The following CACNA1C variants were observed in gnomAD, a reference collection of about 807,000 sequenced individuals.
CACNA1C encodes the protein voltage-dependent L-type calcium channel subunit alpha-1C.
In CACNA1C, 30 loss-of-function variants were observed where a neutral mutation model predicts 229.0. The observed-to-expected ratio is 0.13, with a 90% CI of 0.10 to 0.18. The LOEUF (loss-of-function observed/expected upper bound fraction) is 0.18, where lower values mean the gene tolerates loss of function less well. Ranked by LOEUF, CACNA1C falls within the 10% of genes least tolerant of loss-of-function variation. The pLI, the probability that CACNA1C is intolerant of heterozygous loss-of-function variation, is 1.00. For missense variants in CACNA1C, 1,658 were observed against 2,845.0 expected (o/e 0.58, Z 9.49); for synonymous variants, 1,114 against 1,132.5 (o/e 0.98, Z 0.33).
chr12:2,203,648 A>G (rs2097665917), intron 3 of CACNA1C, among the ~76,000 whole-genome samples: 4 of 152,094 alleles, frequency 2.6e-5, no homozygotes, highest in Admixed American at 2.0e-4. Context: ...GAATGTAGGG[A>G]AAGAGAGCAC....
intron 1 of CACNA1C, among the ~76,000 whole-genome samples, chr12:2,046,569 C>A (rs1196172779): frequency 6.6e-6 from 1 of 152,096 alleles, no homozygotes; most frequent in Non-Finnish European, 1.5e-5. Flanking sequence ...GAGCCAGTCC[C>A]CAGGATCAGG....
chr12:2,469,272 A>G (rs1249937210), intron 5 of CACNA1C, among the ~76,000 whole-genome samples: 1 of 152,202 alleles, frequency 6.6e-6, no homozygotes, highest in Non-Finnish European at 1.5e-5. Flanking sequence ...TGATGATAGA[A>G]AAGTTCTGTC....
At chr12:2,135,135 T>C (rs1484231119) in intron 3 of CACNA1C, among the ~76,000 whole-genome samples, 15 of 148,048 alleles carry the variant, frequency 1.0e-4, no homozygotes, top group South Asian at 2.1e-4. Flanking sequence ...ATGTAGTTCT[T>C]GAGCCTTGGT....
At chr12:2,274,257 C>T (rs1223207072) in intron 3 of CACNA1C, among the ~76,000 whole-genome samples, 1 of 152,194 alleles carries the variant, frequency 6.6e-6, no homozygotes, top group Non-Finnish European at 1.5e-5. Context: ...TGAGCACTCC[C>T]GAGTCGTTCT....
Position 2,152,185 on chromosome 12 carries a change from G to A in CACNA1C, c.477+31755G>A, listed in dbSNP as rs552625411. Reference sequence around the variant, plus strand: ...ATGTAGGGATTGTTCATACAAAAGAGGGCAAAGATGCCACTTGTGACAGAA... The same window carrying A: ...ATGTAGGGATTGTTCATACAAAAGAAGGCAAAGATGCCACTTGTGACAGAA... On this transcript the variant is annotated intron_variant, in intron 3 of 46. Coordinates refer to ENST00000399655, the MANE Select transcript of CACNA1C (RefSeq NM_000719.7). The surrounding 1 kb of genome is among the most constrained non-coding windows in gnomAD (Gnocchi z 4.2). Among the ~76,000 whole-genome samples, 1 of 152,334 alleles carries A rather than the reference G, an allele frequency of 6.6e-6. No homozygotes were observed. The highest frequency in any genetic ancestry group is 1.9e-4 in the East Asian group (1 of 5,186).
Position 2,680,493 on chromosome 12 carries a change from G to C in CACNA1C, c.5444+697G>C, listed in dbSNP as rs374558988. The stretch of plus-strand genomic sequence containing the variant: ...GCTGAGAGAGGACACACCCTGCATC[G>C]TGCCTGGCCACGCTTCACTGTGCTG... On this transcript the variant is annotated intron_variant, in intron 42 of 46. Transcript: ENST00000399655. 3.8e-6 allele frequency: 6 copies of C among 1,569,864 alleles called. No homozygotes were observed. In the South Asian group the frequency reaches 5.9e-5, roughly 15 times the overall value.
chr12:2,509,093 A>G (rs906680404), intron 8 of CACNA1C, among the ~76,000 whole-genome samples: 6 of 152,200 alleles, frequency 3.9e-5, no homozygotes, highest in African/African-American at 1.4e-4. Flanking sequence ...GATTTCTTAC[A>G]TAGGTAGTCA....
At chr12:2,402,978 T>G (rs2098696308) in intron 3 of CACNA1C, among the ~76,000 whole-genome samples, 1 of 152,340 alleles carries the variant, frequency 6.6e-6, no homozygotes, top group Admixed American at 6.5e-5. Flanking sequence ...CTTTTGTTTT[T>G]GGGTAGGGAT....
intron 3 of CACNA1C, among the ~76,000 whole-genome samples, chr12:2,207,767 G>C (rs2097792142): frequency 6.6e-6 from 1 of 152,134 alleles, no homozygotes; most frequent in African/African-American, 2.4e-5. Flanking sequence ...TGAGCTGAGA[G>C]TTGAGATCGT....
intron 13 of CACNA1C, among the ~76,000 whole-genome samples, chr12:2,577,692 A>G (rs964497773): frequency 3.3e-5 from 5 of 152,160 alleles, no homozygotes; most frequent in Non-Finnish European, 5.9e-5. Flanking sequence ...GGAAGTACCA[A>G]TGTGTCATAT....
intron 1 of CACNA1C, among the ~76,000 whole-genome samples, chr12:2,114,274 G>A (rs2082931783): frequency 6.6e-6 from 1 of 152,176 alleles, no homozygotes; most frequent in South Asian, 2.1e-4. Context: ...AGGCTAGTCT[G>A]GGCTTCCTCA....
chr12:2,124,835 G>T (rs1384138017), intron 3 of CACNA1C, among the ~76,000 whole-genome samples: 1 of 152,184 alleles, frequency 6.6e-6, no homozygotes, highest in Non-Finnish European at 1.5e-5. Flanking sequence ...AGGGAATGAT[G>T]CGTACGATTA....
intron 29 of CACNA1C, among the ~76,000 whole-genome samples, chr12:2,624,093 C>G (rs1168908509): frequency 6.6e-6 from 1 of 152,336 alleles, no homozygotes; most frequent in East Asian, 1.9e-4. Flanking sequence ...AAATTCAACC[C>G]TCCCAGGCTC....
chr12:2,680,250 A>G (rs2097068092), intron 42 of CACNA1C: 3 of 773,400 alleles, frequency 3.9e-6, no homozygotes, highest in Non-Finnish European at 4.0e-6. Context: ...GGGAGGCGCC[A>G]TCTGTAGCAC....
intron 9 of CACNA1C, among the ~76,000 whole-genome samples, chr12:2,533,223 G>A (rs2099845218): frequency 6.6e-6 from 1 of 152,182 alleles, no homozygotes; most frequent in South Asian, 2.1e-4. Flanking sequence ...CTCCTTCAAT[G>A]TGCTTGGCTT....
intron 9 of CACNA1C, among the ~76,000 whole-genome samples, chr12:2,537,900 G>C (rs1215500682): frequency 6.6e-6 from 1 of 151,950 alleles, no homozygotes; most frequent in Non-Finnish European, 1.5e-5. Flanking sequence ...TGGGGTGGGG[G>C]TGGGAGAGGG....
intron 2 of CACNA1C, among the ~76,000 whole-genome samples, chr12:2,116,046 G>A (rs2083708507): frequency 6.6e-6 from 1 of 152,196 alleles, no homozygotes; most frequent in South Asian, 2.1e-4. Context: ...CAGGGCCCCT[G>A]GCTGTTGGCT....
intron 9 of CACNA1C, among the ~76,000 whole-genome samples, chr12:2,525,672 T>C (rs770566649): frequency 6.6e-5 from 10 of 152,206 alleles, no homozygotes; most frequent in Non-Finnish European, 1.5e-4. Context: ...CATGATTAAA[T>C]GCCTCCTGGG....
intron 34 of CACNA1C, among the ~76,000 whole-genome samples, chr12:2,663,547 A>G (rs2095873785): frequency 6.6e-6 from 1 of 152,176 alleles, no homozygotes; most frequent in African/African-American, 2.4e-5. Flanking sequence ...ACCATTTGCA[A>G]AATGATGTAA....
Sources: allele counts gnomAD v4.1 joint callset (sites outside exome capture counted in the v4.1 genomes callset), GRCh38; gene constraint gnomAD v4.1.1; non-coding constraint Gnocchi (gnomAD v3.1); transcripts MANE v1.5; gene names NCBI Gene and HGNC (gene_info 2026-07-23, HGNC 2026-07-21).